The following CNPY3 variants were observed in gnomAD, a reference collection of about 807,000 sequenced individuals.
CNPY3 encodes canopy FGF signaling regulator 3.
CNPY3 carries 20 observed loss-of-function variants against 32.0 expected under a neutral mutation model. The observed-to-expected ratio is 0.63, with a 90% CI of 0.44 to 0.91. The LOEUF (loss-of-function observed/expected upper bound fraction) is 0.91, where lower values mean the gene tolerates loss of function less well. Among genes scored for constraint, CNPY3 ranks in the 40% least tolerant of loss-of-function variants. The pLI, the probability that CNPY3 is intolerant of heterozygous loss-of-function variation, is 0.00. For synonymous variants in CNPY3, 138 were observed against 142.9 expected, an observed-to-expected ratio of 0.97 and a Z score of 0.24; for missense variants, 299 against 340.8, an observed-to-expected ratio of 0.88 and a Z score of 0.97.
Position 42,938,861 on chromosome 6 carries a change from A to T in CNPY3, c.*70A>T. On this transcript the variant is annotated 3_prime_UTR_variant, in exon 6 of 6. Coordinates refer to ENST00000372836, the MANE Select transcript of CNPY3 (RefSeq NM_006586.5). ...GAGGAGTCAGGGGCATGGCTCTGGC[A>T]GGCCGGGATGGCCCCGCAGCCTTCA... is the stretch of plus-strand genomic sequence containing the variant. The T allele has an allele frequency of 6.8e-7, 1 of 1,478,886 alleles. No individual in the cohort carries two copies. Among genetic ancestry groups the T allele is most frequent in the Non-Finnish European group, 9.0e-7 (1 of 1,109,506 alleles). 91.6% of individuals were successfully genotyped at this position (1,478,886 alleles called of 1,614,324 possible).
In CNPY3 at chr6:42,929,563, G is replaced by T; in HGVS notation, c.-8G>T. ...CCCGGTCCTTTAGGGTCCGGGCCCGGCCGGGCCATGGATTCAATGCCTGAG... is the reference window on the plus strand; with the variant it reads ...CCCGGTCCTTTAGGGTCCGGGCCCGTCCGGGCCATGGATTCAATGCCTGAG... On this transcript the variant is annotated 5_prime_UTR_variant, in exon 1 of 6. Coordinates refer to ENST00000372836, the MANE Select transcript of CNPY3 (RefSeq NM_006586.5). 6.4e-7 allele frequency: 1 copy of T among 1,568,806 alleles called. No individual in the cohort carries two copies. Among genetic ancestry groups the T allele is most frequent in the East Asian group, 2.3e-5 (1 of 43,472 alleles).
At chr6:42,934,668 TCTC>T in intron 2 of CNPY3, 70 bp downstream of exon 2, 4 of 1,598,002 alleles carry the variant, frequency 2.5e-6, no homozygotes, top group Non-Finnish European at 3.4e-6. Context: ...GGAGTTCCCT[TCTC>T]CTAGCTAGGC....
chr6:42,929,211 C>T (rs1767559563), upstream of CNPY3: 1 of 78,914 alleles, frequency 1.3e-5, no homozygotes, highest in Non-Finnish European at 2.0e-5. Flanking sequence ...CAGGCTTCTT[C>T]TCGGGTCTTG....
In CNPY3 at chr6:42,938,976, G is replaced by T; in HGVS notation, c.*185G>T. ...AGAGCCGTCATGGGTAGCCCACGCC[G>T]TCCTTTCCCCTCCCCAAGTGTTTCT... is the stretch of plus-strand genomic sequence containing the variant. On this transcript the variant is annotated 3_prime_UTR_variant, in exon 6 of 6. Coordinates refer to ENST00000372836, the MANE Select transcript of CNPY3 (RefSeq NM_006586.5). The T allele has an allele frequency of 7.3e-7, 1 of 1,376,044 alleles. No individual in the cohort carries two copies. Among genetic ancestry groups the T allele is most frequent in the Middle Eastern group, 2.7e-4 (1 of 3,694 alleles). 85.2% of individuals were successfully genotyped at this position (1,376,044 alleles called of 1,614,324 possible).
intron 1 of CNPY3, among the ~76,000 whole-genome samples, chr6:42,934,129 G>T (rs1163603928): frequency 1.3e-5 from 2 of 151,534 alleles, no homozygotes; most frequent in Non-Finnish European, 2.9e-5. Context: ...TCTAGCCTGG[G>T]CAACAAGAGC....
chr6:42,928,541 C>T (rs143189996), upstream of CNPY3, among the ~76,000 whole-genome samples: 3,836 of 151,944 alleles, frequency 0.025, 63 homozygotes, highest in Non-Finnish European at 0.037. Flanking sequence ...GCCTCGGCCT[C>T]CCAAAGTGCT....
chr6:42,929,727 G>C lies in CNPY3; in HGVS notation c.151+6G>C. On this transcript the variant is annotated splice_donor_region_variant and intron_variant, in intron 1 of 5. Transcript: ENST00000372836. ...CCTGCCCAGCAAATGCGAAGGTGAGGAGGCGGGGCCCGTGGGGCGTATCCT... is the reference window on the plus strand; with the variant it reads ...CCTGCCCAGCAAATGCGAAGGTGAGCAGGCGGGGCCCGTGGGGCGTATCCT... 2 of 1,544,200 alleles carry C rather than the reference G, an allele frequency of 1.3e-6. No individual in the cohort carries two copies. Among genetic ancestry groups the C allele is most frequent in the Non-Finnish European group, 1.7e-6 (2 of 1,143,002 alleles).
rs1768346932 is a variant in CNPY3, at chr6:42,937,926, G to A, written c.495+87G>A. On this transcript the variant is annotated intron_variant, in intron 4 of 5. Coordinates refer to ENST00000372836, the MANE Select transcript of CNPY3 (RefSeq NM_006586.5). ...GTCTGCTCTGAGGAAGTCCACCCAGGCCGGGGTGGCTTTGGTCAGGTCATT... is the reference window on the plus strand; with the variant it reads ...GTCTGCTCTGAGGAAGTCCACCCAGACCGGGGTGGCTTTGGTCAGGTCATT... The A allele has an allele frequency of 1.1e-5, 17 of 1,572,994 alleles. No individual in the cohort carries two copies. The South Asian group carries it at 1.7e-4, about 16-fold the overall frequency.
At position 42,938,548 on chromosome 6, in the gene CNPY3, C is replaced by A; in HGVS notation, c.614-20C>A. 6.4e-7 allele frequency: 1 copy of A among 1,559,256 alleles called. No homozygotes were observed. Among genetic ancestry groups the A allele is most frequent in the Admixed American group, 1.9e-5 (1 of 51,354 alleles). On this transcript the variant is annotated intron_variant, in intron 5 of 5. Coordinates refer to ENST00000372836, the MANE Select transcript of CNPY3 (RefSeq NM_006586.5). ...GCCCTGAGGCACTTCTGTTGAGGGT[C>A]TCTCTCCTCCACACCCTAGGTTGCC...
Position 42,938,631 on chromosome 6 carries a change from C to T in CNPY3, c.677C>T (p.Ser226Phe), listed in dbSNP as rs752257311. The T allele has an allele frequency of 1.2e-6, 2 of 1,610,992 alleles. No individual in the cohort carries two copies. ...GDTAALGGKK[S>F]KKKSSRAKAA... Reference sequence around the variant, plus strand: ...ACAGCTGCCCTGGGAGGGAAGAAGTCCAAGAAGAAGAGCAGCAGGGCCAAG... The same window carrying T: ...ACAGCTGCCCTGGGAGGGAAGAAGTTCAAGAAGAAGAGCAGCAGGGCCAAG... Residue 226 changes from serine (S) to phenylalanine (F), a missense_variant, in exon 6 of 6, where the codon TCC (serine) becomes TTC (phenylalanine). Physicochemically the swap from Ser to Phe is radical, Grantham distance 155 (BLOSUM62 -2). Transcript: ENST00000372836.
rs142296062 is a variant in CNPY3 at position 42,938,186 on chromosome 6, G to A, written c.592G>A (p.Val198Met). The change falls in exon 5 of 6, where the codon GTG becomes ATG. Residue 198 changes from valine (V) to methionine (M), a missense_variant. Coordinates refer to ENST00000372836, the MANE Select transcript of CNPY3 (RefSeq NM_006586.5). ...GACTGAATTCCTCTGCGCCAACCACGTGCTGAAGGGAAAAGACACCAGTGA... is the reference window on the plus strand; with the variant it reads ...GACTGAATTCCTCTGCGCCAACCACATGCTGAAGGGAAAAGACACCAGTGA... ...DLTEFLCANHVLKGKDTSCLA... is the reference protein window; with the variant it reads ...DLTEFLCANHMLKGKDTSCLA... 8.1e-6 allele frequency: 13 copies of A among 1,613,796 alleles called. No homozygotes were observed. Among genetic ancestry groups the A allele is most frequent in the East Asian group, 6.7e-5 (3 of 44,890 alleles).
rs1244987792 is a variant in CNPY3 at position 42,937,577 on chromosome 6, C to T, written c.373-140C>T. On this transcript the variant is annotated intron_variant, in intron 3 of 5. Coordinates refer to ENST00000372836, the MANE Select transcript of CNPY3 (RefSeq NM_006586.5). ...CAACCTGGGCGACAGAGTGAGACTC[C>T]TTCTCAAAAAAAAAAGGATGAGGAT... 9.2e-6 allele frequency: 8 copies of T among 871,986 alleles called. No homozygotes were observed. In the African/African-American group the frequency reaches 1.4e-4, roughly 15 times the overall value. The allele number at this position is 871,986 out of a possible 1,614,324, so 54.0% of individuals were successfully genotyped here. A position where few individuals can be genotyped will look rare whatever the true frequency, so the allele number is the denominator to read the frequency against.
chr6:42,933,344 G>A (rs567194908), intron 1 of CNPY3, among the ~76,000 whole-genome samples: 14 of 152,248 alleles, frequency 9.2e-5, no homozygotes, highest in African/African-American at 3.1e-4. Context: ...TGGAAGGGAG[G>A]GGACCTTGTT....
Position 42,935,659 on chromosome 6 carries a change from C to A in CNPY3, c.361C>A (p.Arg121=). The A allele has an allele frequency of 6.2e-7, 1 of 1,609,100 alleles. No individual in the cohort carries two copies. Among genetic ancestry groups the A allele is most frequent in the Non-Finnish European group, 8.5e-7 (1 of 1,176,140 alleles). ...SLHKERTGSN[R]FAKGMSETFE... ...GCACAAGGAGAGGACCGGCAGCAAT[C>A]GATTTGCCAAGGTTGGATTCGGGAT... The change falls in exon 3 of 6, where the codon CGA becomes AGA. Residue 121 remains arginine, a synonymous_variant. Coordinates refer to ENST00000372836, the MANE Select transcript of CNPY3 (RefSeq NM_006586.5).
chr6:42,929,401 G>A (rs936859597), upstream of CNPY3: 319 of 725,164 alleles, frequency 4.4e-4, 1 homozygote, highest in Non-Finnish European at 9.0e-5. Context: ...GCCTTGGTCC[G>A]CTTTGAAGGC....
Position 42,938,966 on chromosome 6 carries a change from A to G in CNPY3, c.*175A>G. On this transcript the variant is annotated 3_prime_UTR_variant, in exon 6 of 6. Coordinates refer to ENST00000372836, the MANE Select transcript of CNPY3 (RefSeq NM_006586.5). ...GGAAGAACTCAGAGCCGTCATGGGT[A>G]GCCCACGCCGTCCTTTCCCCTCCCC... The G allele has an allele frequency of 2.9e-6, 4 of 1,396,390 alleles. No homozygotes were observed. The highest frequency in any genetic ancestry group is 2.8e-6 in the Non-Finnish European group (3 of 1,072,780). The allele number at this position is 1,396,390 out of a possible 1,614,324, so 86.5% of individuals were successfully genotyped here.
chr6:42,928,385 T>A (rs1767522881), upstream of CNPY3, among the ~76,000 whole-genome samples: 1 of 151,620 alleles, frequency 6.6e-6, no homozygotes, highest in African/African-American at 2.4e-5. Flanking sequence ...CTCAAGCAGT[T>A]CTCCCTTCTT....
chr6:42,930,673 C>T (rs1290928015), intron 1 of CNPY3, among the ~76,000 whole-genome samples: 1 of 152,174 alleles, frequency 6.6e-6, no homozygotes, highest in African/African-American at 2.4e-5. Flanking sequence ...AACCCCAGGG[C>T]CCCCAGAAAG....
rs1416396700 is a variant in CNPY3 at position 42,939,138 on chromosome 6, T to A, written c.*347T>A. 9.2e-7 allele frequency: 1 copy of A among 1,089,344 alleles called. No homozygotes were observed. Among genetic ancestry groups the A allele is most frequent in the Non-Finnish European group, 1.1e-6 (1 of 896,238 alleles). 67.5% of individuals were successfully genotyped at this position (1,089,344 alleles called of 1,614,324 possible). On this transcript the variant is annotated 3_prime_UTR_variant, in exon 6 of 6. Transcript: ENST00000372836. ...GGAGACCAAACTCACCATCCCTCAG[T>A]CCTCCCCAACAGGGTACTAGGACTG...
Sources: gnomAD v4.1 joint callset for allele counts (sites outside exome capture counted in the v4.1 genomes callset) on GRCh38, gnomAD v4.1.1 for gene constraint, MANE v1.5 for transcripts, NCBI Gene and HGNC (gene_info 2026-07-23, HGNC 2026-07-21) for gene names.